The following SYDE2 variants were observed in gnomAD, a reference collection of about 807,000 sequenced individuals.
SYDE2 encodes rho GTPase-activating protein SYDE2.
SYDE2 carries 76 observed loss-of-function variants against 91.5 expected under a neutral mutation model. The ratio of observed to expected loss-of-function variants is 0.83; its 90% CI spans 0.69 to 1.01. SYDE2 has a LOEUF of 1.01. Among genes scored for constraint, SYDE2 ranks in the 50% least tolerant of loss-of-function variants. SYDE2 has a pLI of 0.00. For synonymous variants in SYDE2, 513 were observed against 506.4 expected (o/e 1.01, Z -0.18); for missense variants, 1,364 against 1,367.7 (o/e 1.00, Z 0.04).
chr1:85,169,671 C>G (rs1457802456), intron 4 of SYDE2, among the ~76,000 whole-genome samples: 1 of 151,976 alleles, frequency 6.6e-6, no homozygotes, highest in Non-Finnish European at 1.5e-5. Context: ...TGTCTGAAAC[C>G]CTTGGAAATA....
intron 4 of SYDE2, among the ~76,000 whole-genome samples, chr1:85,171,568 T>TA (rs1227417392): frequency 1.3e-5 from 2 of 151,976 alleles, no homozygotes; most frequent in African/African-American, 2.4e-5. Context: ...ACTGAGGCTT[T>TA]AAAAAAAATT....
intron 1 of SYDE2, among the ~76,000 whole-genome samples, chr1:85,195,158 TA>T (rs71818368): frequency 0.28 from 39,598 of 143,126 alleles, 7,212 homozygotes; most frequent in African/African-American, 0.53. Flanking sequence ...AGACTCCATC[TA>T]AAAAAAAAAA....
rs1230929755 is a variant in SYDE2 at position 85,164,655 on chromosome 1, A to G, written c.2956T>C (p.Leu986=). The G allele has an allele frequency of 6.3e-7, 1 of 1,583,654 alleles. No homozygotes were observed. ...QNLAVCFGPV[L]LSQRQEPSTH... ...GAAGGCTCTTGCCTCTGACTTAATA[A>G]TACTGGTCCAAAGCACACAGCCAAA... The change falls in exon 6 of 7, where the codon TTA becomes CTA. Residue 986 remains leucine, a synonymous_variant. Transcript: ENST00000341460.
At chr1:85,197,995 T>G (rs1458392519) in intron 1 of SYDE2, among the ~76,000 whole-genome samples, 1 of 152,198 alleles carries the variant, frequency 6.6e-6, no homozygotes, top group Non-Finnish European at 1.5e-5. Flanking sequence ...CGGCCTAAGA[T>G]TCTCCCATCT....
chr1:85,201,008 G>T lies in SYDE2; in HGVS notation c.-12C>A. 1.6e-6 allele frequency: 2 copies of T among 1,285,164 alleles called. No homozygotes were observed. Among genetic ancestry groups the T allele is most frequent in the Admixed American group, 3.5e-5 (1 of 28,234 alleles). The allele number at this position is 1,285,164 out of a possible 1,614,324, so 79.6% of individuals were successfully genotyped here. A position where few individuals can be genotyped will look rare whatever the true frequency, so the allele number is the denominator to read the frequency against. On this transcript the variant is annotated 5_prime_UTR_variant, in exon 1 of 7. The change creates a new upstream start codon in the 5' untranslated region. Transcript: ENST00000341460. ...GGCAGGTCGTGCATGGCCTGGATCA[G>T]CAGATAATAGGCCTCTCGCAACTGG...
chr1:85,190,426 A>C lies in SYDE2; in HGVS notation c.1072T>G (p.Phe358Val). 1 of 1,613,848 alleles carries C rather than the reference A, an allele frequency of 6.2e-7. No homozygotes were observed. The highest frequency in any genetic ancestry group is 8.5e-7 in the Non-Finnish European group (1 of 1,179,828). The change falls in exon 2 of 7, where the codon TTT becomes GTT. Residue 358 changes from phenylalanine to valine, a missense_variant. By Grantham distance (50) the Phe-to-Val change is conservative. Coordinates refer to ENST00000341460, the MANE Select transcript of SYDE2 (RefSeq NM_032184.2). ...TCATCTGCATCATTTTCCTCATTAA[A>C]ATCTAAAGCACAGTTTTTCGATAAT... ...SSLSKNCALD[F>V]NEENDADDEG...
In SYDE2 at chr1:85,169,271, G is replaced by C. The variant is rs762933381; in HGVS notation, c.2672-46C>G. ...ACAGTTGGTGATTGGACTGCAGAGT[G>C]AAATAAAGAACTATGGTCAATTTTT... is the stretch of plus-strand genomic sequence containing the variant. On this transcript the variant is annotated intron_variant, in intron 4 of 6. Coordinates refer to ENST00000341460, the MANE Select transcript of SYDE2 (RefSeq NM_032184.2). 1.4e-5 allele frequency: 20 copies of C among 1,458,686 alleles called. No homozygotes were observed. The Admixed American group carries it at 4.6e-4, about 34-fold the overall frequency. 90.4% of individuals were successfully genotyped at this position (1,458,686 alleles called of 1,614,324 possible).
chr1:85,168,845 G>A (rs1217586440), intron 5 of SYDE2, among the ~76,000 whole-genome samples, 199 bp downstream of exon 5: 1 of 152,038 alleles, frequency 6.6e-6, no homozygotes, highest in African/African-American at 2.4e-5. Flanking sequence ...ATCACATATA[G>A]AAAAGATAAA....
downstream of SYDE2, among the ~76,000 whole-genome samples, chr1:85,155,062 G>GAA (rs150467183): frequency 8.6e-5 from 10 of 116,372 alleles, no homozygotes; most frequent in African/African-American, 1.9e-4. Context: ...AGAAAAGAAA[G>GAA]AAAAAAAAAA....
At position 85,178,288 on chromosome 1, in the gene SYDE2, T is replaced by G. The variant is rs1287440138; in HGVS notation, c.2545-16A>C. The G allele has an allele frequency of 6.4e-7, 1 of 1,555,114 alleles. No homozygotes were observed. The highest frequency in any genetic ancestry group is 8.7e-7 in the Non-Finnish European group (1 of 1,151,130). On this transcript the variant is annotated splice_polypyrimidine_tract_variant and intron_variant, in intron 3 of 6. Coordinates refer to ENST00000341460, the MANE Select transcript of SYDE2 (RefSeq NM_032184.2). ...GGCCTACTACCTAGGAATAAAATTA[T>G]GGCCACATTACAGTAAATTTGATAA...
chr1:85,169,242 G>A lies in SYDE2; in HGVS notation c.2672-17C>T, dbSNP rs772309685. 1.3e-5 allele frequency: 21 copies of A among 1,595,496 alleles called. No individual in the cohort carries two copies. The Middle Eastern group carries it at 6.8e-4, about 52-fold the overall frequency. On this transcript the variant is annotated splice_polypyrimidine_tract_variant and intron_variant, in intron 4 of 6. Coordinates refer to ENST00000341460, the MANE Select transcript of SYDE2 (RefSeq NM_032184.2). ...TAAGAACACCTTTAAAAAACAAACC[G>A]CAGACAGTTGGTGATTGGACTGCAG... is the stretch of plus-strand genomic sequence containing the variant.
At chr1:85,172,600 C>T (rs992620713) in intron 4 of SYDE2, among the ~76,000 whole-genome samples, 1 of 152,134 alleles carries the variant, frequency 6.6e-6, no homozygotes, top group African/African-American at 2.4e-5. Context: ...ATGTCTAAGA[C>T]ATTGGACATC....
chr1:85,188,029 A>T (rs556514854), intron 2 of SYDE2, among the ~76,000 whole-genome samples: 142 of 151,326 alleles, frequency 9.4e-4, no homozygotes, highest in South Asian at 4.2e-3. Flanking sequence ...AAATTAAATT[A>T]AAAAAAAAGT....
At chr1:85,164,464 T>C (rs759485016) in intron 6 of SYDE2, 62 bp downstream of exon 6, 123 of 1,176,234 alleles carry the variant, frequency 1.0e-4, no homozygotes, top group Middle Eastern at 2.1e-4. Context: ...GCATATTTAA[T>C]GATTAGTTAA....
chr1:85,189,690 G>A (rs1658283812), intron 2 of SYDE2, among the ~76,000 whole-genome samples: 1 of 152,112 alleles, frequency 6.6e-6, no homozygotes, highest in Non-Finnish European at 1.5e-5. Context: ...ACAAAAATTG[G>A]CTGGGCATGG....
Position 85,158,651 on chromosome 1 carries a change from C to A in SYDE2, c.*99G>T. On this transcript the variant is annotated 3_prime_UTR_variant, in exon 7 of 7. Coordinates refer to ENST00000341460, the MANE Select transcript of SYDE2 (RefSeq NM_032184.2). ...CTTATTAAAAATTAATTAAAGATTT[C>A]AAGAGTAAAAAAATGAAAACATCGC... is the stretch of plus-strand genomic sequence containing the variant. The A allele has an allele frequency of 1.8e-6, 1 of 563,524 alleles. No homozygotes were observed. Among genetic ancestry groups the A allele is most frequent in the South Asian group, 2.7e-5 (1 of 37,574 alleles). 34.9% of individuals were successfully genotyped at this position (563,524 alleles called of 1,614,324 possible).
chr1:85,157,087 CTTTTT>C lies in SYDE2; in HGVS notation c.*1658_*1662del, dbSNP rs1656899962. 6.6e-6 allele frequency: 1 copy of C among 151,800 alleles called. No homozygotes were observed. Among genetic ancestry groups the C allele is most frequent in the Non-Finnish European group, 1.5e-5 (1 of 67,862 alleles). 9.4% of individuals were successfully genotyped at this position (151,800 alleles called of 1,614,324 possible). On this transcript the variant is annotated 3_prime_UTR_variant, in exon 7 of 7. Transcript: ENST00000341460. The stretch of plus-strand genomic sequence containing the variant: ...GAAAATTTCATATAAAAATATTTAT[CTTTTT>C]TAACAATGGGTTTTCAAATTAAATA...
chr1:85,200,530 C>A lies in SYDE2; in HGVS notation c.467G>T (p.Ser156Ile). The A allele has an allele frequency of 6.2e-7, 1 of 1,612,884 alleles. No individual in the cohort carries two copies. Among genetic ancestry groups the A allele is most frequent in the Non-Finnish European group, 8.5e-7 (1 of 1,179,824 alleles). The change falls in exon 1 of 7, where the codon AGC becomes ATC. Residue 156 changes from serine (S) to isoleucine (I), a missense_variant. Coordinates refer to ENST00000341460, the MANE Select transcript of SYDE2 (RefSeq NM_032184.2). ...GCKDHGCSSG[S>I]PFRDPAGSSV... Reference sequence around the variant, plus strand: ...GGACCCCGCTGGATCCCTGAAAGGGCTTCCCGAGGAGCAGCCGTGGTCCTT... The same window carrying A: ...GGACCCCGCTGGATCCCTGAAAGGGATTCCCGAGGAGCAGCCGTGGTCCTT...
chr1:85,178,506 C>T (rs932139426), intron 3 of SYDE2, among the ~76,000 whole-genome samples: 6 of 152,060 alleles, frequency 3.9e-5, no homozygotes, highest in African/African-American at 7.2e-5. Context: ...TGCTGGCTAC[C>T]TATCTTAAGC....
Sources: allele counts gnomAD v4.1 joint callset (sites outside exome capture counted in the v4.1 genomes callset), GRCh38; gene constraint gnomAD v4.1.1; transcripts MANE v1.5; gene names NCBI Gene and HGNC (gene_info 2026-07-23, HGNC 2026-07-21).